The following KDM4C variants were observed in gnomAD, a reference collection of about 807,000 sequenced individuals.
The protein encoded by KDM4C is lysine-specific demethylase 4C.
Under a neutral mutation model 129.3 loss-of-function variants are expected in KDM4C, and 81 were observed. That is an observed-to-expected ratio of 0.63 (90% CI 0.52 to 0.75). The LOEUF is 0.75. Among genes scored for constraint, KDM4C ranks in the 30% least tolerant of loss-of-function variants. The pLI, the probability that KDM4C is intolerant of heterozygous loss-of-function variation, is 0.00. For missense variants in KDM4C, 1,457 were observed against 1,304.0 expected, an observed-to-expected ratio of 1.12 and a Z score of -1.81; for synonymous variants, 573 against 456.1, an observed-to-expected ratio of 1.26 and a Z score of -3.26.
chr9:6,765,317 CATTTT>C (rs1342830105), intron 1 of KDM4C, among the ~76,000 whole-genome samples: 1 of 152,114 alleles, frequency 6.6e-6, no homozygotes, highest in African/African-American at 2.4e-5. Context: ...TTTCTCCTCT[CATTTT>C]CCCCCTTTTC....
At chr9:7,011,597 T>G (rs547145843) in intron 12 of KDM4C, 101 bp from the exon 13 acceptor site, 35 of 1,104,016 alleles carry the variant, frequency 3.2e-5, no homozygotes, top group African/African-American at 6.2e-5. Context: ...TTTCCGGCCT[T>G]AATATCACAG....
intron 19 of KDM4C, among the ~76,000 whole-genome samples, chr9:7,146,209 C>T (rs934878641): frequency 1.3e-5 from 2 of 152,068 alleles, no homozygotes; most frequent in African/African-American, 4.8e-5. Context: ...AGGGAAAAAT[C>T]CTCAAAGGAA....
intron 12 of KDM4C, among the ~76,000 whole-genome samples, chr9:7,005,321 G>A (rs1340461955): frequency 6.6e-6 from 1 of 151,764 alleles, no homozygotes; most frequent in African/African-American, 2.4e-5. Context: ...TGTAATCCCA[G>A]CTACTCGGGA....
intron 18 of KDM4C, among the ~76,000 whole-genome samples, chr9:7,111,623 C>T (rs139978753): frequency 7.9e-5 from 12 of 152,184 alleles, no homozygotes; most frequent in African/African-American, 2.6e-4. Flanking sequence ...ATAGTGTGTG[C>T]ACAAACTTCC....
chr9:7,112,272 T>C (rs1240497825), intron 18 of KDM4C, among the ~76,000 whole-genome samples: 1 of 152,178 alleles, frequency 6.6e-6, no homozygotes, highest in African/African-American at 2.4e-5. Context: ...TGCTTTATTC[T>C]ACAGTGGATG....
At chr9:6,835,146 C>A in intron 4 of KDM4C, 1 of 974,708 alleles carries the variant, frequency 1.0e-6, no homozygotes, top group Non-Finnish European at 1.7e-6. Context: ...TGGCGGCTTC[C>A]AGCTCCTCCC....
At chr9:6,819,583 A>G (rs1320981608) in intron 4 of KDM4C, among the ~76,000 whole-genome samples, 2 of 152,214 alleles carry the variant, frequency 1.3e-5, no homozygotes, top group Non-Finnish European at 2.9e-5. Context: ...AAGGAAAGAC[A>G]TGAGAGGAGT....
intron 8 of KDM4C, chr9:6,925,751 C>G (rs1822375104): frequency 1.9e-6 from 1 of 532,024 alleles, no homozygotes; most frequent in Admixed American, 6.4e-5. Context: ...GTTACATAAA[C>G]TTTTTAATTG....
At chr9:6,867,995 C>G (rs530023246) in intron 5 of KDM4C, among the ~76,000 whole-genome samples, 4 of 152,250 alleles carry the variant, frequency 2.6e-5, no homozygotes, top group East Asian at 3.9e-4. Context: ...AGCTTTAACA[C>G]AGAGATTTTC....
intron 2 of KDM4C, 79 bp downstream of exon 2, chr9:6,793,211 C>G (rs1052448035): frequency 2.0e-6 from 3 of 1,487,944 alleles, no homozygotes; most frequent in African/African-American, 2.8e-5. Flanking sequence ...CGATTTGGGA[C>G]ATTGTTTCTG....
At chr9:7,025,242 A>G (rs573372937) in intron 15 of KDM4C, among the ~76,000 whole-genome samples, 36 of 152,142 alleles carry the variant, frequency 2.4e-4, no homozygotes, top group African/African-American at 7.0e-4. Flanking sequence ...TTTTCAGCCT[A>G]TGTGTGTCTT....
chr9:6,814,623 T>A lies in KDM4C; in HGVS notation c.321-8T>A, dbSNP rs1831747160. On this transcript the variant is annotated splice_region_variant and splice_polypyrimidine_tract_variant and intron_variant, in intron 3 of 21. Coordinates refer to ENST00000381309, the MANE Select transcript of KDM4C (RefSeq NM_015061.6). ...GGTTTGTACATTTTTGTCATCTACC[T>A]TTTACAGATATTGTACTCCAAGATA... 1 of 1,551,736 alleles carries A rather than the reference T, an allele frequency of 6.4e-7. No individual in the cohort carries two copies. Among genetic ancestry groups the A allele is most frequent in the Non-Finnish European group, 8.8e-7 (1 of 1,133,714 alleles).
intron 8 of KDM4C, among the ~76,000 whole-genome samples, chr9:6,947,663 G>A (rs1488823394): frequency 2.0e-5 from 3 of 151,912 alleles, no homozygotes; most frequent in Non-Finnish European, 4.4e-5. Flanking sequence ...ATTTCAAATT[G>A]TTTACTTGAA....
chr9:6,977,816 C>A (rs1833185429), intron 8 of KDM4C, among the ~76,000 whole-genome samples: 1 of 151,992 alleles, frequency 6.6e-6, no homozygotes, highest in Non-Finnish European at 1.5e-5. Context: ...TTTTTCAATC[C>A]CCCACAAGTC....
chr9:7,135,354 G>T (rs1203183733), intron 19 of KDM4C, among the ~76,000 whole-genome samples: 1 of 152,174 alleles, frequency 6.6e-6, no homozygotes, highest in Non-Finnish European at 1.5e-5. Context: ...CCAAAGGACA[G>T]GTTCCTGGCA....
At chr9:7,072,472 C>T (rs1833340503) in intron 17 of KDM4C, among the ~76,000 whole-genome samples, 1 of 152,180 alleles carries the variant, frequency 6.6e-6, no homozygotes, top group Non-Finnish European at 1.5e-5. Flanking sequence ...ATTTCATCAA[C>T]CATGGATGAA....
At chr9:7,107,087 G>T (rs1023966009) in intron 18 of KDM4C, among the ~76,000 whole-genome samples, 3 of 152,158 alleles carry the variant, frequency 2.0e-5, no homozygotes, top group Non-Finnish European at 4.4e-5. Context: ...TCACTGCTGT[G>T]TTTCAGATGT....
intron 6 of KDM4C, among the ~76,000 whole-genome samples, chr9:6,882,178 A>C (rs1395134341): frequency 6.6e-6 from 1 of 152,248 alleles, no homozygotes. Context: ...TATAGACATA[A>C]ATGTAATAAA....
chr9:6,752,671 G>A (rs1397048019), upstream of KDM4C, among the ~76,000 whole-genome samples: 2 of 151,812 alleles, frequency 1.3e-5, no homozygotes, highest in Non-Finnish European at 2.9e-5. Flanking sequence ...CGCCTTCCCT[G>A]GAATTACAGA....
Sources: allele counts gnomAD v4.1 joint callset (sites outside exome capture counted in the v4.1 genomes callset), GRCh38; gene constraint gnomAD v4.1.1; transcripts MANE v1.5; gene names NCBI Gene and HGNC (gene_info 2026-07-23, HGNC 2026-07-21).